PDE10A: variants seen among roughly 807,000 people sequenced by gnomAD.
PDE10A encodes phosphodiesterase 10A.
Under a neutral mutation model 97.7 loss-of-function variants are expected in PDE10A, and 39 were observed. The observed-to-expected ratio is 0.40, with a 90% confidence interval of 0.31 to 0.52. The LOEUF (loss-of-function observed/expected upper bound fraction) is 0.52. PDE10A is among the 20% of genes least tolerant of loss of function. The pLI is 0.56. For missense variants in PDE10A, 731 were observed against 1,047.8 expected, an observed-to-expected ratio of 0.70 and a Z score of 4.17; for synonymous variants, 371 against 376.8, an observed-to-expected ratio of 0.98 and a Z score of 0.18.
At chr6:165,485,784 G>A (rs1208644338) in intron 2 of PDE10A, among the ~76,000 whole-genome samples, 1 of 151,988 alleles carries the variant, frequency 6.6e-6, no homozygotes, top group Non-Finnish European at 1.5e-5. Flanking sequence ...AGTAGAGACA[G>A]GGTTTCATCA....
Position 165,978,901 on chromosome 6 carries a change from C to T in PDE10A, c.-615+8628G>A, listed in dbSNP as rs192785892. Among the ~76,000 whole-genome samples the T allele has an allele frequency of 1.8e-3, 266 of 152,000 alleles. 2 individuals are homozygous for T. The Middle Eastern group carries it at 0.031, about 17-fold the overall frequency. ...ATAAATAACTCTGAAGTACTTCAGCCAAGAATAATAATAATTCTGTGTGCC... is the reference window on the plus strand; with the variant it reads ...ATAAATAACTCTGAAGTACTTCAGCTAAGAATAATAATAATTCTGTGTGCC... On this transcript the variant is annotated intron_variant, in intron 1 of 19. Transcript: ENST00000366882.
intron 1 of PDE10A, among the ~76,000 whole-genome samples, chr6:165,862,960 A>T (rs1845531): frequency 2.0e-5 from 3 of 152,130 alleles, no homozygotes; most frequent in Admixed American, 2.0e-4. Context: ...GATTATAGGC[A>T]TGAGCCACCA....
chr6:165,360,881 T>C (rs1783365430), intron 18 of PDE10A, among the ~76,000 whole-genome samples: 1 of 152,114 alleles, frequency 6.6e-6, no homozygotes, highest in Non-Finnish European at 1.5e-5. Context: ...TGACTGTGGG[T>C]ACACCAATGC....
chr6:165,398,287 T>C (rs1786338242), intron 13 of PDE10A, among the ~76,000 whole-genome samples: 1 of 152,164 alleles, frequency 6.6e-6, no homozygotes, highest in African/African-American at 2.4e-5. Flanking sequence ...AAGACTAGGC[T>C]GGCCAACATG....
At chr6:165,822,713 C>A (rs576414080) in intron 1 of PDE10A, among the ~76,000 whole-genome samples, 4 of 152,246 alleles carry the variant, frequency 2.6e-5, no homozygotes, top group African/African-American at 4.8e-5. Context: ...AGGGTGAAGG[C>A]CTCGGACATG....
At chr6:165,657,153 G>A (rs1790008607) in intron 1 of PDE10A, among the ~76,000 whole-genome samples, 1 of 152,222 alleles carries the variant, frequency 6.6e-6, no homozygotes, top group African/African-American at 2.4e-5. Flanking sequence ...GGCTCTCATG[G>A]AGCTTCCTTT....
At chr6:165,942,307 C>CAT (rs1783551042) in intron 1 of PDE10A, among the ~76,000 whole-genome samples, 1 of 151,454 alleles carries the variant, frequency 6.6e-6, no homozygotes, top group African/African-American at 2.4e-5. Context: ...TATATATACA[C>CAT]ACACATATAT....
At chr6:165,714,269 G>A (rs1791972852) in intron 1 of PDE10A, among the ~76,000 whole-genome samples, 1 of 152,250 alleles carries the variant, frequency 6.6e-6, no homozygotes, top group Non-Finnish European at 1.5e-5. Flanking sequence ...CCCGATGGGA[G>A]CCTGCAGAGG....
At chr6:165,840,960 A>G (rs1339163288) in intron 1 of PDE10A, among the ~76,000 whole-genome samples, 1 of 152,260 alleles carries the variant, frequency 6.6e-6, no homozygotes, top group Admixed American at 6.5e-5. Context: ...TTTGGAAATT[A>G]TCTGTCTACA....
chr6:165,759,505 G>C (rs1016489458), intron 1 of PDE10A, among the ~76,000 whole-genome samples: 1 of 152,160 alleles, frequency 6.6e-6, no homozygotes, highest in Admixed American at 6.5e-5. Flanking sequence ...GAAGGAACAG[G>C]CTCTCTGAGA....
chr6:165,855,828 T>C (rs908739939), intron 1 of PDE10A, among the ~76,000 whole-genome samples: 1 of 152,064 alleles, frequency 6.6e-6, no homozygotes, highest in African/African-American at 2.4e-5. Flanking sequence ...TCAGGTCCAA[T>C]GGGCACAGCC....
At chr6:165,717,583 C>A (rs77575339) in intron 1 of PDE10A, among the ~76,000 whole-genome samples, 46 of 146,652 alleles carry the variant, frequency 3.1e-4, no homozygotes, top group African/African-American at 2.8e-4. Flanking sequence ...GACTCCGTCT[C>A]AAAAAAAAAA....
chr6:165,894,397 C>G (rs1781885354), intron 1 of PDE10A: 1 of 455,942 alleles, frequency 2.2e-6, no homozygotes, highest in Non-Finnish European at 4.4e-6. Flanking sequence ...GCTGAAACCA[C>G]AAGATGAAAT....
At chr6:165,397,811 T>A (rs1786298039) in intron 13 of PDE10A, among the ~76,000 whole-genome samples, 1 of 151,850 alleles carries the variant, frequency 6.6e-6, no homozygotes, top group African/African-American at 2.4e-5. Context: ...GATCTCAAAG[T>A]CCTCTTGGTC....
At chr6:165,820,880 G>A (rs1405212602) in intron 1 of PDE10A, among the ~76,000 whole-genome samples, 1 of 152,230 alleles carries the variant, frequency 6.6e-6, no homozygotes, top group African/African-American at 2.4e-5. Context: ...TGGCAGCTCA[G>A]TAGGAACACA....
At chr6:165,656,593 T>C (rs1193233686) in intron 1 of PDE10A, among the ~76,000 whole-genome samples, 2 of 152,114 alleles carry the variant, frequency 1.3e-5, no homozygotes, top group Non-Finnish European at 2.9e-5. Context: ...AAAGTATCCT[T>C]AGCTTAGCCT....
intron 1 of PDE10A, among the ~76,000 whole-genome samples, chr6:165,677,274 C>CTTCA (rs1790825614): frequency 6.6e-6 from 1 of 152,218 alleles, no homozygotes; most frequent in African/African-American, 2.4e-5. Flanking sequence ...TCCCAACAGC[C>CTTCA]TTCAGGCTCA....
chr6:165,947,008 C>T (rs879744243), intron 1 of PDE10A: 5 of 152,128 alleles, frequency 3.3e-5, no homozygotes, highest in Non-Finnish European at 5.9e-5. Flanking sequence ...TTGCTCCAAA[C>T]ATTTTCTTTA....
chr6:165,334,468 G>T (rs1208076592), intron 21 of PDE10A, among the ~76,000 whole-genome samples: 1 of 151,972 alleles, frequency 6.6e-6, no homozygotes, highest in East Asian at 1.9e-4. Context: ...CCTCCATAGC[G>T]CCCTACAGCA....
Sources: allele counts gnomAD v4.1 joint callset (sites outside exome capture counted in the v4.1 genomes callset), GRCh38; gene constraint gnomAD v4.1.1; transcripts MANE v1.5; gene names NCBI Gene and HGNC (gene_info 2026-07-23, HGNC 2026-07-21).